Variants in NECAB1 observed in about 807,000 individuals in gnomAD.
The protein encoded by NECAB1 is N-terminal EF-hand calcium binding protein 1, also known as N-terminal EF-hand calcium-binding protein 1.
A neutral mutation model predicts 57.5 loss-of-function variants in NECAB1; 29 were observed. The observed-to-expected ratio is 0.50, with a 90% CI of 0.38 to 0.69. The LOEUF is 0.69. NECAB1 is among the 30% of genes least tolerant of loss of function. The pLI is 0.00. For missense variants in NECAB1, 372 were observed against 413.8 expected (o/e 0.90, Z 0.88); for synonymous variants, 142 against 147.7 (o/e 0.96, Z 0.28).
chr8:90,843,005 A>G (rs1252310787), intron 3 of NECAB1, among the ~76,000 whole-genome samples: 2 of 152,198 alleles, frequency 1.3e-5, no homozygotes, highest in Non-Finnish European at 2.9e-5. Flanking sequence ...TAATTTATAA[A>G]GAAAAATGAA....
chr8:90,890,263 T>A (rs1001020164), intron 5 of NECAB1, among the ~76,000 whole-genome samples: 1 of 152,158 alleles, frequency 6.6e-6, no homozygotes, highest in Non-Finnish European at 1.5e-5. Flanking sequence ...TGATAGTGAA[T>A]GTGTCTCACG....
At chr8:90,914,157 C>T (rs1209144094) in intron 5 of NECAB1, among the ~76,000 whole-genome samples, 1 of 152,156 alleles carries the variant, frequency 6.6e-6, no homozygotes, top group Non-Finnish European at 1.5e-5. Flanking sequence ...TCTGAGTACT[C>T]TGGAGGCAGA....
At chr8:90,924,337 A>G (rs528181931) in intron 6 of NECAB1, among the ~76,000 whole-genome samples, 1 of 152,328 alleles carries the variant, frequency 6.6e-6, no homozygotes, top group African/African-American at 2.4e-5. Flanking sequence ...GATATTTTCC[A>G]CCAAAACAAA....
chr8:90,958,928 C>A lies in NECAB1; in HGVS notation c.*3416C>A. The A allele has an allele frequency of 2.5e-6, 2 of 791,424 alleles. No homozygotes were observed. The highest frequency in any genetic ancestry group is 3.8e-5 in the South Asian group (2 of 53,290). The allele number at this position is 791,424 out of a possible 1,614,324, so 49.0% of individuals were successfully genotyped here. ...CAAAATTAAGAATAAATTGAATTGT[C>A]ACAGTCCATTACAGTTATTGTTGCT... On this transcript the variant is annotated 3_prime_UTR_variant, in exon 13 of 13. Transcript: ENST00000417640.
intron 2 of NECAB1, among the ~76,000 whole-genome samples, chr8:90,810,387 A>G (rs193017734): frequency 1.3e-3 from 204 of 152,310 alleles, no homozygotes; most frequent in African/African-American, 4.7e-3. Flanking sequence ...TAAATGCCGG[A>G]GACTGTGCTA....
chr8:90,844,409 C>T (rs893534091), intron 3 of NECAB1, among the ~76,000 whole-genome samples: 1 of 152,158 alleles, frequency 6.6e-6, no homozygotes, highest in Non-Finnish European at 1.5e-5. Flanking sequence ...TCAAACCAGT[C>T]TCTAGTGCAA....
intron 3 of NECAB1, among the ~76,000 whole-genome samples, chr8:90,864,282 A>G (rs1462230974): frequency 6.7e-6 from 1 of 148,976 alleles, no homozygotes; most frequent in Non-Finnish European, 1.5e-5. Context: ...TGGTGGAAAA[A>G]AAAAACGAGG....
chr8:90,951,144 C>T lies in NECAB1; in HGVS notation c.970C>T (p.Gln324Ter), dbSNP rs756355698. The change falls in exon 12 of 13, where the codon CAA (glutamine) becomes TAA (stop). Residue 324 changes from glutamine (Q) to a stop codon, truncating the protein, a stop_gained. Coordinates refer to ENST00000417640, the MANE Select transcript of NECAB1 (RefSeq NM_022351.5). LOFTEE classifies it high-confidence loss of function. ...HLQTNYSKTF[Q>*]RSNVDFLETP... ...TCAGACAAATTATAGCAAGACATTC[C>T]AAAGAAGTAATGTGGATTTCTTGGA... The T allele has an allele frequency of 6.2e-7, 1 of 1,601,276 alleles. No individual in the cohort carries two copies. Among genetic ancestry groups the T allele is most frequent in the Non-Finnish European group, 8.5e-7 (1 of 1,173,736 alleles).
At chr8:90,838,660 T>TA (rs1243326191) in intron 3 of NECAB1, among the ~76,000 whole-genome samples, 1 of 152,188 alleles carries the variant, frequency 6.6e-6, no homozygotes, top group Admixed American at 6.5e-5. Context: ...AAAACTCACA[T>TA]AGACGTGGAG....
intron 2 of NECAB1, among the ~76,000 whole-genome samples, chr8:90,814,248 A>C (rs905793993): frequency 2.0e-5 from 3 of 152,232 alleles, no homozygotes; most frequent in African/African-American, 7.2e-5. Flanking sequence ...GGAGAGAAAG[A>C]CCACAGAGGT....
chr8:90,814,304 TTAGGA>T (rs1217127901), intron 2 of NECAB1, among the ~76,000 whole-genome samples: 1 of 152,132 alleles, frequency 6.6e-6, no homozygotes, highest in African/African-American at 2.4e-5. Context: ...TCAATATGAT[TTAGGA>T]TGCTGATGTT....
intron 9 of NECAB1, among the ~76,000 whole-genome samples, chr8:90,936,832 G>A (rs931357811): frequency 3.3e-5 from 5 of 151,766 alleles, no homozygotes; most frequent in African/African-American, 1.2e-4. Flanking sequence ...CCCAGAGTAA[G>A]AGATGTAACA....
chr8:90,881,188 CT>C, intron 5 of NECAB1, 58 bp downstream of exon 5: 3 of 1,246,688 alleles, frequency 2.4e-6, no homozygotes, highest in Non-Finnish European at 3.4e-6. Context: ...AAAGATTTTT[CT>C]TGAAAATCAT....
At chr8:90,927,406 TCA>T (rs1295537551) in intron 7 of NECAB1, among the ~76,000 whole-genome samples, 1 of 152,054 alleles carries the variant, frequency 6.6e-6, no homozygotes, top group Non-Finnish European at 1.5e-5. Context: ...TTGAATTCAA[TCA>T]CATTCTGATT....
intron 3 of NECAB1, among the ~76,000 whole-genome samples, chr8:90,857,679 C>A (rs1369052791): frequency 6.6e-6 from 1 of 152,034 alleles, no homozygotes; most frequent in Non-Finnish European, 1.5e-5. Flanking sequence ...GTCATTTTAA[C>A]CTTGGTACCA....
Position 90,927,204 on chromosome 8 carries a change from C to CTCTTTTTTTTTTT in NECAB1, c.617-1018_617-1017insCTTTTTTTTTTTT, listed in dbSNP as rs10630870. Among the ~76,000 whole-genome samples the CTCTTTTTTTTTTT allele has an allele frequency of 9.2e-5, 12 of 131,112 alleles. 1 individual carries two copies. Among genetic ancestry groups the CTCTTTTTTTTTTT allele is most frequent in the African/African-American group, 3.0e-4 (10 of 33,460 alleles). The allele number at this position is 131,112 out of a possible 152,430, so 86.0% of individuals were successfully genotyped here. On this transcript the variant is annotated intron_variant, in intron 7 of 12. Transcript: ENST00000417640. ...CAATCAGCCCCTTTCTTTTCTCTCTCTTTTTTTTTTTTTTGTAGCCACTTC... is the reference window on the plus strand; with the variant it reads ...CAATCAGCCCCTTTCTTTTCTCTCTCTCTTTTTTTTTTTTTTTTTTTTTTTTTGTAGCCACTTC...
chr8:90,802,569 C>A (rs1297914849), intron 2 of NECAB1, among the ~76,000 whole-genome samples: 1 of 151,988 alleles, frequency 6.6e-6, no homozygotes, highest in Non-Finnish European at 1.5e-5. Flanking sequence ...TTTTTGAAAT[C>A]CCATTTATCT....
chr8:90,937,416 A>G (rs1387087375), intron 9 of NECAB1, among the ~76,000 whole-genome samples: 4 of 152,168 alleles, frequency 2.6e-5, no homozygotes, highest in African/African-American at 9.6e-5. Context: ...AGACCAAGGA[A>G]TACTTCCAAA....
At chr8:90,813,839 A>T (rs923024581) in intron 2 of NECAB1, among the ~76,000 whole-genome samples, 1 of 152,210 alleles carries the variant, frequency 6.6e-6, no homozygotes, top group Non-Finnish European at 1.5e-5. Flanking sequence ...GATTTACAGA[A>T]AAATTGTGAA....
Sources: gnomAD v4.1 joint callset for allele counts (sites outside exome capture counted in the v4.1 genomes callset) on GRCh38, gnomAD v4.1.1 for gene constraint, MANE v1.5 for transcripts, NCBI Gene and HGNC (gene_info 2026-07-23, HGNC 2026-07-21) for gene names.